The following SATB1 variants were observed in gnomAD, a reference collection of about 807,000 sequenced individuals.
The protein encoded by SATB1 is SATB homeobox 1, also known as DNA-binding protein SATB1.
In SATB1, 11 loss-of-function variants were observed where a neutral mutation model predicts 86.9. That is an observed-to-expected ratio of 0.13 (90% CI 0.08 to 0.21). The LOEUF is 0.21. Among genes scored for constraint, SATB1 ranks in the 10% least tolerant of loss-of-function variants. SATB1 has a pLI of 1.00. For synonymous variants in SATB1, 357 were observed against 357.2 expected, an observed-to-expected ratio of 1.00 and a Z score of 0.01; for missense variants, 551 against 937.6, an observed-to-expected ratio of 0.59 and a Z score of 5.39.
In SATB1 at chr3:18,373,131, T is replaced by C. The variant is rs1487258935; in HGVS notation, c.1575+5039A>G. On this transcript the variant is annotated intron_variant, in intron 9 of 10. Coordinates refer to ENST00000338745, the MANE Select transcript of SATB1 (RefSeq NM_002971.6). ...CCTCTACACATTTAGATGGAGAACA[T>C]GTAAAGGGGCAGTTCTCTCTTTAGA... Among the ~76,000 whole-genome samples the C allele has an allele frequency of 2.6e-5, 4 of 152,166 alleles. 1 individual carries two copies. The highest frequency in any genetic ancestry group is 4.1e-4 in the South Asian group (2 of 4,834).
chr3:18,357,899 C>T (rs1301729475), intron 9 of SATB1, among the ~76,000 whole-genome samples: 1 of 151,774 alleles, frequency 6.6e-6, no homozygotes, highest in Non-Finnish European at 1.5e-5. Flanking sequence ...GATACAACCC[C>T]ATTTCTAGGT....
chr3:18,432,789 C>A, intron 2 of SATB1, among the ~76,000 whole-genome samples: 1 of 140,758 alleles, frequency 7.1e-6, no homozygotes, highest in Non-Finnish European at 1.5e-5. Flanking sequence ...CATATTTTAC[C>A]ATATAAACAT....
intron 2 of SATB1, among the ~76,000 whole-genome samples, chr3:18,435,535 C>T (rs1224449978): frequency 6.6e-6 from 1 of 152,150 alleles, no homozygotes; most frequent in Non-Finnish European, 1.5e-5. Context: ...GATGTAGCCT[C>T]CCCAAAGAAC....
At chr3:18,419,257 G>C (rs1466917229) in intron 2 of SATB1, among the ~76,000 whole-genome samples, 1 of 151,498 alleles carries the variant, frequency 6.6e-6, no homozygotes, top group Non-Finnish European at 1.5e-5. Context: ...AGCCTTTTCT[G>C]AACTGTATGA....
At chr3:18,407,994 A>AAGT (rs1407840974) in intron 5 of SATB1, among the ~76,000 whole-genome samples, 1 of 152,024 alleles carries the variant, frequency 6.6e-6, no homozygotes, top group Non-Finnish European at 1.5e-5. Context: ...TCCAGTAATG[A>AAGT]AGTACCATGT....
At chr3:18,443,402 A>G (rs1014080434), upstream of SATB1, among the ~76,000 whole-genome samples, 2 of 152,208 alleles carry the variant, frequency 1.3e-5, no homozygotes, top group Non-Finnish European at 2.9e-5. This position sits in a 1 kb window ranked among gnomAD's most constrained non-coding sequence, Gnocchi z 4.4. Context: ...AAGTCTTAGA[A>G]CATTTGCTTG....
At chr3:18,357,666 A>G (rs1694715651) in intron 9 of SATB1, among the ~76,000 whole-genome samples, 1 of 151,288 alleles carries the variant, frequency 6.6e-6, no homozygotes, top group Non-Finnish European at 1.5e-5. Context: ...CTTCACCTTT[A>G]GCATAAAGGT....
At position 18,345,669 on chromosome 3, in the gene SATB1, A is replaced by ATGAT. The variant is rs1484217858; in HGVS notation, c.*3497_*3500dup. The ATGAT allele has an allele frequency of 6.6e-6, 1 of 152,152 alleles. No individual in the cohort carries two copies. The highest frequency in any genetic ancestry group is 1.5e-5 in the Non-Finnish European group (1 of 67,970). 9.4% of individuals were successfully genotyped at this position (152,152 alleles called of 1,614,324 possible). On this transcript the variant is annotated 3_prime_UTR_variant, in exon 11 of 11. Coordinates refer to ENST00000338745, the MANE Select transcript of SATB1 (RefSeq NM_002971.6). The stretch of plus-strand genomic sequence containing the variant: ...ATTGATATTTTCTGATATTTTAGAT[A>ATGAT]TGATTAATATTTTGGACCTCCATTG...
At chr3:18,402,200 A>AC (rs1214651054) in intron 5 of SATB1, among the ~76,000 whole-genome samples, 3 of 152,028 alleles carry the variant, frequency 2.0e-5, no homozygotes, top group Non-Finnish European at 4.4e-5. Flanking sequence ...AGATGGTTTT[A>AC]TTTTTTTACT....
intron 7 of SATB1, among the ~76,000 whole-genome samples, chr3:18,391,672 T>C (rs1216260924): frequency 6.6e-6 from 1 of 151,924 alleles, no homozygotes; most frequent in Non-Finnish European, 1.5e-5. Flanking sequence ...GAACTGCACA[T>C]TGTACTAGGT....
At chr3:18,384,942 T>A (rs979992241) in intron 8 of SATB1, among the ~76,000 whole-genome samples, 13 of 152,222 alleles carry the variant, frequency 8.5e-5, no homozygotes, top group Admixed American at 2.0e-4. Flanking sequence ...CCTTATAGTC[T>A]GTTCCTATAG....
At chr3:18,441,423 TAA>T (rs1353888595), upstream of SATB1, among the ~76,000 whole-genome samples, 1 of 152,138 alleles carries the variant, frequency 6.6e-6, no homozygotes, top group Non-Finnish European at 1.5e-5. Context: ...GAAAAGAGAT[TAA>T]AAACATTTTT....
At position 18,386,903 on chromosome 3, in the gene SATB1, G is replaced by A. The variant is rs184313629; in HGVS notation, c.1207-292C>T. Among the ~76,000 whole-genome samples the A allele has an allele frequency of 1.3e-5, 2 of 152,238 alleles. No homozygotes were observed. Among genetic ancestry groups the A allele is most frequent in the East Asian group, 3.9e-4 (2 of 5,184 alleles). On this transcript the variant is annotated intron_variant, in intron 7 of 10. Coordinates refer to ENST00000338745, the MANE Select transcript of SATB1 (RefSeq NM_002971.6). This position sits in a 1 kb window ranked among gnomAD's most constrained non-coding sequence, Gnocchi z 4.5. ...ATCTTTCACAGAGAGACGATCCAGGGAAGTTAAGAATAAACGAAATCCTTA... is the reference window on the plus strand; with the variant it reads ...ATCTTTCACAGAGAGACGATCCAGGAAAGTTAAGAATAAACGAAATCCTTA...
At position 18,444,174 on chromosome 3, in the gene SATB1, G is replaced by A. The variant is rs1201341846; in HGVS notation, c.-25+1344C>T. Among the ~76,000 whole-genome samples the A allele has an allele frequency of 6.6e-6, 1 of 151,948 alleles. No individual in the cohort carries two copies. The highest frequency in any genetic ancestry group is 6.6e-5 in the Admixed American group (1 of 15,252). On this transcript the variant is annotated intron_variant, in intron 1 of 3. Transcript: ENST00000415069. This position sits in a 1 kb window ranked among gnomAD's most constrained non-coding sequence, Gnocchi z 5.1. ...AGCCCACTCCTCCAGGCACCTTACT[G>A]CCCGCCCGGCTCCAGAACGCACCGA...
chr3:18,422,599 G>A (rs1383151766), intron 1 of SATB1, among the ~76,000 whole-genome samples: 2 of 152,158 alleles, frequency 1.3e-5, no homozygotes, highest in Admixed American at 1.3e-4. Context: ...TTAAACTGCA[G>A]TCTAAAGCCA....
chr3:18,368,191 G>A (rs1695283096), intron 9 of SATB1, among the ~76,000 whole-genome samples: 1 of 152,204 alleles, frequency 6.6e-6, no homozygotes, highest in Admixed American at 6.5e-5. Context: ...GGGTTCTGAG[G>A]TGATATCTGT....
chr3:18,345,828 G>A lies in SATB1; in HGVS notation c.*3342C>T, dbSNP rs1216930455. 6.6e-6 allele frequency: 1 copy of A among 152,006 alleles called. No homozygotes were observed. The highest frequency in any genetic ancestry group is 1.5e-5 in the Non-Finnish European group (1 of 67,942). The allele number at this position is 152,006 out of a possible 1,614,324, so 9.4% of individuals were successfully genotyped here. Reference sequence around the variant, plus strand: ...CAGTTCAGAATGTCTCATTTATTGAGAATATTGTGACAATCAAAGACCTTA... The same window carrying A: ...CAGTTCAGAATGTCTCATTTATTGAAAATATTGTGACAATCAAAGACCTTA... On this transcript the variant is annotated 3_prime_UTR_variant, in exon 11 of 11. Transcript: ENST00000338745.
rs1694443152 is a variant in SATB1 at position 18,352,917 on chromosome 3, C to T, written c.1576-722G>A. 7.8e-6 allele frequency: 1 copy of T among 127,984 alleles called. No homozygotes were observed. Among genetic ancestry groups the T allele is most frequent in the South Asian group, 2.6e-4 (1 of 3,814 alleles). 7.9% of individuals were successfully genotyped at this position (127,984 alleles called of 1,614,324 possible). ...CCAATGACTGCCAAAATCTGCACCT[C>T]TCTGATGTTTCCAAGGCCCAGTTTT... On this transcript the variant is annotated intron_variant, in intron 9 of 10. Transcript: ENST00000338745. This position sits in a 1 kb window ranked among gnomAD's most constrained non-coding sequence, Gnocchi z 4.1.
chr3:18,418,663 G>T (rs965169844), intron 2 of SATB1, among the ~76,000 whole-genome samples: 1 of 152,052 alleles, frequency 6.6e-6, no homozygotes, highest in Non-Finnish European at 1.5e-5. Flanking sequence ...TGGCAAAATC[G>T]CCTAAACAAA....
Sources: allele counts gnomAD v4.1 joint callset (sites outside exome capture counted in the v4.1 genomes callset), GRCh38; gene constraint gnomAD v4.1.1; non-coding constraint Gnocchi (gnomAD v3.1); transcripts MANE v1.5; gene names NCBI Gene and HGNC (gene_info 2026-07-23, HGNC 2026-07-21).